The following FHIT variants were observed in gnomAD, a reference collection of about 807,000 sequenced individuals.
FHIT encodes fragile histidine triad diadenosine triphosphatase.
A neutral mutation model predicts 17.9 loss-of-function variants in FHIT; 19 were observed. The observed-to-expected ratio is 1.06, with a 90% CI of 0.74 to 1.56. The LOEUF (loss-of-function observed/expected upper bound fraction) is 1.56. Among genes scored for constraint, FHIT ranks in the 40% most tolerant of loss-of-function variants. The pLI is 0.00. For missense variants in FHIT, 248 were observed against 189.2 expected, an observed-to-expected ratio of 1.31 and a Z score of -1.82; for synonymous variants, 81 against 69.7, an observed-to-expected ratio of 1.16 and a Z score of -0.81.
chr3:60,979,557 A>T (rs1355195550), intron 3 of FHIT, among the ~76,000 whole-genome samples: 1 of 152,198 alleles, frequency 6.6e-6, no homozygotes, highest in East Asian at 1.9e-4. Flanking sequence ...TCTCCAGGGC[A>T]GACAGGGCTG....
At chr3:60,315,418 C>T (rs931785405) in intron 5 of FHIT, among the ~76,000 whole-genome samples, 6 of 152,174 alleles carry the variant, frequency 3.9e-5, no homozygotes, top group Non-Finnish European at 8.8e-5. Context: ...CTCTCTGACC[C>T]TACCCAGACA....
intron 5 of FHIT, among the ~76,000 whole-genome samples, chr3:60,510,701 C>A (rs1410804290): frequency 6.6e-6 from 1 of 151,650 alleles, no homozygotes; most frequent in African/African-American, 2.4e-5. Context: ...CCTTCTTGAA[C>A]CTGCTCCCCC....
At chr3:60,470,503 T>G (rs1212001553) in intron 5 of FHIT, among the ~76,000 whole-genome samples, 2 of 151,862 alleles carry the variant, frequency 1.3e-5, no homozygotes, top group Non-Finnish European at 2.9e-5. Flanking sequence ...TCCGGGCACA[T>G]GGAGAGTATT....
intron 4 of FHIT, among the ~76,000 whole-genome samples, chr3:60,705,873 G>A (rs568198063): frequency 9.1e-4 from 139 of 152,226 alleles, no homozygotes; most frequent in South Asian, 6.2e-4. Flanking sequence ...CCTCTCTGTT[G>A]TATAATAAAG....
chr3:60,678,777 CCTGGGCATGACAG>C (rs1295961589), intron 4 of FHIT, among the ~76,000 whole-genome samples: 4 of 152,058 alleles, frequency 2.6e-5, no homozygotes, highest in Non-Finnish European at 5.9e-5. Flanking sequence ...GTGGCTCCAG[CCTGGGCATGACAG>C]CTGGCTGTAA....
At chr3:60,357,729 A>G in intron 5 of FHIT, among the ~76,000 whole-genome samples, 1 of 152,310 alleles carries the variant, frequency 6.6e-6, no homozygotes, top group Middle Eastern at 3.4e-3. Flanking sequence ...TTTCATATTG[A>G]TACACATATT....
At chr3:60,571,337 A>ATT (rs71092618) in intron 4 of FHIT, among the ~76,000 whole-genome samples, 1 of 76,234 alleles carries the variant, frequency 1.3e-5, no homozygotes, top group Admixed American at 1.7e-4. Context: ...CTCCATCGCA[A>ATT]AAAAAAAAAA....
At chr3:60,347,680 G>GC (rs1231372630) in intron 5 of FHIT, among the ~76,000 whole-genome samples, 2 of 145,058 alleles carry the variant, frequency 1.4e-5, no homozygotes, top group Non-Finnish European at 1.5e-5. Context: ...TGGTTTGGGG[G>GC]GGGGGGGGGT....
At chr3:60,281,400 G>A (rs1188344909) in intron 5 of FHIT, among the ~76,000 whole-genome samples, 1 of 152,092 alleles carries the variant, frequency 6.6e-6, no homozygotes, top group Non-Finnish European at 1.5e-5. Flanking sequence ...GAAGAACAAA[G>A]TTGAAGGAGT....
At chr3:59,955,453 C>T (rs1213145794) in intron 7 of FHIT, among the ~76,000 whole-genome samples, 1 of 152,184 alleles carries the variant, frequency 6.6e-6, no homozygotes, top group Non-Finnish European at 1.5e-5. Context: ...ACACTTTTCT[C>T]ATTGAACCCA....
At chr3:61,068,021 G>C (rs1274966841) in intron 2 of FHIT, among the ~76,000 whole-genome samples, 1 of 152,152 alleles carries the variant, frequency 6.6e-6, no homozygotes, top group East Asian at 1.9e-4. Flanking sequence ...AAAATAGACT[G>C]CACAACCCCC....
At chr3:59,838,842 C>T (rs368184927) in intron 8 of FHIT, among the ~76,000 whole-genome samples, 15 of 152,098 alleles carry the variant, frequency 9.9e-5, no homozygotes, top group African/African-American at 3.6e-4. Flanking sequence ...GGCAAAGGTG[C>T]CTTTGAAGGC....
At chr3:60,575,260 C>A (rs1460434451) in intron 4 of FHIT, among the ~76,000 whole-genome samples, 1 of 152,084 alleles carries the variant, frequency 6.6e-6, no homozygotes, top group African/African-American at 2.4e-5. Flanking sequence ...AAAAACAGGG[C>A]TGAGAAAGGT....
At chr3:61,085,305 C>T (rs1313783669) in intron 2 of FHIT, among the ~76,000 whole-genome samples, 1 of 152,116 alleles carries the variant, frequency 6.6e-6, no homozygotes, top group Non-Finnish European at 1.5e-5. Context: ...TTCACCAGCA[C>T]TTCTTATTGC....
intron 8 of FHIT, among the ~76,000 whole-genome samples, chr3:59,911,689 C>T (rs1704884766): frequency 6.6e-6 from 1 of 152,152 alleles, no homozygotes; most frequent in Non-Finnish European, 1.5e-5. Context: ...ATTTGAACTA[C>T]TATTGTAATA....
intron 5 of FHIT, among the ~76,000 whole-genome samples, chr3:60,227,517 T>G (rs2107545866): frequency 6.6e-6 from 1 of 152,344 alleles, no homozygotes; most frequent in South Asian, 2.1e-4. Flanking sequence ...CTTCAAATTT[T>G]GTGACACCTG....
chr3:60,413,145 A>G (rs1702123473), intron 5 of FHIT, among the ~76,000 whole-genome samples: 1 of 152,206 alleles, frequency 6.6e-6, no homozygotes, highest in Non-Finnish European at 1.5e-5. Context: ...AAGAGTCCAT[A>G]CCAAATGAAC....
In FHIT at chr3:60,093,332, G is replaced by C. The variant is rs73831584; in HGVS notation, c.104-79180C>G. ...TCTTTAAAGTCAGCAATAATGGGAC[G>C]AAACCATCTCACATCACATCACTCT... is the stretch of plus-strand genomic sequence containing the variant. On this transcript the variant is annotated intron_variant, in intron 5 of 9. Transcript: ENST00000492590. Among the ~76,000 whole-genome samples, 1,024 of 152,154 alleles carry C rather than the reference G, an allele frequency of 6.7e-3. 14 individuals are homozygous for C. Among genetic ancestry groups the C allele is most frequent in the African/African-American group, 0.021 (868 of 41,494 alleles).
At chr3:60,428,252 A>C (rs1049196708) in intron 5 of FHIT, among the ~76,000 whole-genome samples, 1 of 152,062 alleles carries the variant, frequency 6.6e-6, no homozygotes, top group Admixed American at 6.6e-5. Flanking sequence ...TTCCTCATTC[A>C]ATTATTGGAG....
Sources: gnomAD v4.1 joint callset for allele counts (sites outside exome capture counted in the v4.1 genomes callset) on GRCh38, gnomAD v4.1.1 for gene constraint, MANE v1.5 for transcripts, NCBI Gene and HGNC (gene_info 2026-07-23, HGNC 2026-07-21) for gene names.